The following TRIM33 variants were observed in gnomAD, a reference collection of about 807,000 sequenced individuals.
TRIM33 encodes tripartite motif containing 33.
In TRIM33, 20 loss-of-function variants were observed where a neutral mutation model predicts 125.4. The observed-to-expected ratio is 0.16, with a 90% CI of 0.11 to 0.23. The LOEUF is 0.23. Among genes scored for constraint, TRIM33 ranks in the 10% least tolerant of loss-of-function variants. TRIM33 has a pLI of 1.00. For missense variants in TRIM33, 920 were observed against 1,411.4 expected (o/e 0.65, Z 5.58); for synonymous variants, 564 against 513.9 (o/e 1.10, Z -1.32).
intron 4 of TRIM33, among the ~76,000 whole-genome samples, chr1:114,437,193 T>C (rs1229760055): frequency 1.3e-5 from 2 of 152,248 alleles, no homozygotes; most frequent in Non-Finnish European, 2.9e-5. Context: ...AAATATGATA[T>C]ACCTAGGTAA....
chr1:114,474,059 C>T (rs770263808), intron 1 of TRIM33, among the ~76,000 whole-genome samples: 13 of 151,736 alleles, frequency 8.6e-5, no homozygotes, highest in African/African-American at 3.2e-4. Context: ...CCATCACACT[C>T]GGTTAGTTTG....
chr1:114,474,836 G>A (rs1271602575), intron 1 of TRIM33, among the ~76,000 whole-genome samples: 1 of 150,588 alleles, frequency 6.6e-6, no homozygotes, highest in Non-Finnish European at 1.5e-5. Flanking sequence ...AGGTTGTGGT[G>A]AGCCGAGATC....
intron 4 of TRIM33, among the ~76,000 whole-genome samples, chr1:114,435,875 C>T (rs977789551): frequency 5.2e-5 from 6 of 115,246 alleles, no homozygotes; most frequent in Admixed American, 3.2e-4. Context: ...TATAGACACC[C>T]GCTTTTTTTT....
At chr1:114,509,956 A>G (rs1653237076) in intron 1 of TRIM33, among the ~76,000 whole-genome samples, 1 of 151,928 alleles carries the variant, frequency 6.6e-6, no homozygotes, top group African/African-American at 2.4e-5. Flanking sequence ...AAACCTTAGG[A>G]TTTTCCCTAA....
At chr1:114,486,492 C>G (rs1310958402) in intron 1 of TRIM33, among the ~76,000 whole-genome samples, 2 of 140,052 alleles carry the variant, frequency 1.4e-5, no homozygotes, top group African/African-American at 5.4e-5. Flanking sequence ...GGTGTCGTGG[C>G]ACCAAGATCA....
intron 4 of TRIM33, among the ~76,000 whole-genome samples, chr1:114,443,831 G>A (rs1648810387): frequency 6.6e-6 from 1 of 151,090 alleles, no homozygotes; most frequent in African/African-American, 2.4e-5. Context: ...CCAGGAGTTC[G>A]AGACCAGCCT....
intron 1 of TRIM33, among the ~76,000 whole-genome samples, chr1:114,480,090 T>G (rs190056701): frequency 0.026 from 4,003 of 152,298 alleles, 92 homozygotes; most frequent in Non-Finnish European, 0.034. Flanking sequence ...TGTGTCTGTG[T>G]AGAAAGAAGT....
At chr1:114,404,078 GAT>G (rs1173057981) in intron 15 of TRIM33, among the ~76,000 whole-genome samples, 1 of 152,176 alleles carries the variant, frequency 6.6e-6, no homozygotes, top group African/African-American at 2.4e-5. Context: ...GATACATGGA[GAT>G]ATATAGAGAG....
At chr1:114,442,146 T>C (rs1648690241) in intron 4 of TRIM33, among the ~76,000 whole-genome samples, 1 of 152,224 alleles carries the variant, frequency 6.6e-6, no homozygotes, top group Non-Finnish European at 1.5e-5. Context: ...TGGTATACGA[T>C]GAGTACTTGA....
chr1:114,426,757 C>T (rs1009026596), intron 8 of TRIM33, among the ~76,000 whole-genome samples: 11 of 152,162 alleles, frequency 7.2e-5, no homozygotes, highest in Non-Finnish European at 2.9e-5. Context: ...TCTTATCTTT[C>T]AAACATTCCT....
rs115088261 is a variant in TRIM33, at chr1:114,448,839, T to C, written c.923+14265A>G. The stretch of plus-strand genomic sequence containing the variant: ...TGGCCACAGAGAGGAATGCTTAAAA[T>C]TGAATAGAATTATTACAAATGATAA... On this transcript the variant is annotated intron_variant, in intron 4 of 19. Transcript: ENST00000358465. Among the ~76,000 whole-genome samples, 1,013 of 152,222 alleles carry C rather than the reference T, an allele frequency of 6.7e-3. 5 individuals are homozygous for C. Among genetic ancestry groups the C allele is most frequent in the Non-Finnish European group, 0.011 (718 of 68,016 alleles).
Position 114,421,578 on chromosome 1 carries a change from A to G in TRIM33, c.1919T>C (p.Ile640Thr). ...FPVVSVHNTT[I>T]NPTSPTTATM... Reference sequence around the variant, plus strand: ...TGCTGTAGTAGGGCTCGTTGGGTTGATTGTGGTGTTGTGTACCGATACTAC... The same window carrying G: ...TGCTGTAGTAGGGCTCGTTGGGTTGGTTGTGGTGTTGTGTACCGATACTAC... The change falls in exon 11 of 20, where the codon ATC (isoleucine) becomes ACC (threonine). Residue 640 changes from isoleucine to threonine, a missense_variant. By Grantham distance (89) the Ile-to-Thr change is moderately conservative (BLOSUM62 -1). Coordinates refer to ENST00000358465, the MANE Select transcript of TRIM33 (RefSeq NM_015906.4). The G allele has an allele frequency of 6.2e-7, 1 of 1,614,014 alleles. No homozygotes were observed. Among genetic ancestry groups the G allele is most frequent in the East Asian group, 2.2e-5 (1 of 44,876 alleles).
chr1:114,482,571 A>G (rs1017918053), intron 1 of TRIM33, among the ~76,000 whole-genome samples: 2 of 152,314 alleles, frequency 1.3e-5, no homozygotes, highest in Admixed American at 1.3e-4. Context: ...AGACTTAACA[A>G]GAGATCCTGC....
chr1:114,436,513 T>C (rs1648314488), intron 4 of TRIM33, among the ~76,000 whole-genome samples: 1 of 151,938 alleles, frequency 6.6e-6, no homozygotes, highest in Admixed American at 6.6e-5. Flanking sequence ...TCGTCCAGGC[T>C]GGAGTGCAGT....
At chr1:114,497,443 C>T in intron 1 of TRIM33, among the ~76,000 whole-genome samples, 1 of 152,206 alleles carries the variant, frequency 6.6e-6, no homozygotes, top group African/African-American at 2.4e-5. Flanking sequence ...ATTACAGGCA[C>T]CTGTCACCAC....
intron 1 of TRIM33, among the ~76,000 whole-genome samples, chr1:114,500,504 T>A (rs1652644884): frequency 6.6e-6 from 1 of 151,998 alleles, no homozygotes; most frequent in Non-Finnish European, 1.5e-5. Flanking sequence ...ACACACAGCT[T>A]AATAAGTTTT....
Position 114,439,364 on chromosome 1 carries a change from C to T in TRIM33, c.924-5631G>A, listed in dbSNP as rs1329111050. ...GTGCATGCCTGTAATCCCAGCTACT[C>T]AGGAGGCTGAGGCAGGAGAACTTGA... On this transcript the variant is annotated intron_variant, in intron 4 of 19. Transcript: ENST00000358465. 2.0e-5 allele frequency among the ~76,000 whole-genome samples: 3 copies of T among 149,532 alleles called. No homozygotes were observed. In the East Asian group the frequency reaches 5.9e-4, roughly 29 times the overall value.
At chr1:114,442,774 G>T (rs1460531324) in intron 4 of TRIM33, among the ~76,000 whole-genome samples, 2 of 151,304 alleles carry the variant, frequency 1.3e-5, no homozygotes, top group African/African-American at 2.4e-5. Flanking sequence ...TTCAGCAAAG[G>T]TTCTTTTAAA....
chr1:114,449,791 T>C (rs1649206308), intron 4 of TRIM33, among the ~76,000 whole-genome samples: 1 of 152,188 alleles, frequency 6.6e-6, no homozygotes, highest in African/African-American at 2.4e-5. Flanking sequence ...CATGCCAAAC[T>C]TGTCAGCATT....
Sources: allele counts gnomAD v4.1 joint callset (sites outside exome capture counted in the v4.1 genomes callset), GRCh38; gene constraint gnomAD v4.1.1; transcripts MANE v1.5; gene names NCBI Gene and HGNC (gene_info 2026-07-23, HGNC 2026-07-21).